Variants in FXR1 observed in about 807,000 individuals in gnomAD.
The protein encoded by FXR1 is RNA-binding protein FXR1.
FXR1 carries 15 observed loss-of-function variants against 84.0 expected under a neutral mutation model. That is an observed-to-expected ratio of 0.18 (90% confidence interval 0.12 to 0.27). The LOEUF is 0.27. Among genes scored for constraint, FXR1 ranks in the 10% least tolerant of loss-of-function variants. The pLI, the probability that FXR1 is intolerant of heterozygous loss-of-function variation, is 1.00. For missense variants in FXR1, 480 were observed against 774.4 expected, an observed-to-expected ratio of 0.62 and a Z score of 4.51; for synonymous variants, 245 against 250.7, an observed-to-expected ratio of 0.98 and a Z score of 0.21.
In FXR1 at chr3:180,912,700, G is replaced by T. The variant is rs1006917963; in HGVS notation, c.15G>T (p.Thr5=). ...GCGGTTCCAACATGGCGGAGCTGAC[G>T]GTGGAGGTTCGCGGCTCTAACGGGG... MAEL[T]VEVRGSNGAF... is the part of the protein sequence containing the mutation. The change falls in exon 1 of 17, where the codon ACG becomes ACT. Residue 5 remains threonine, a synonymous_variant. Coordinates refer to ENST00000357559, the MANE Select transcript of FXR1 (RefSeq NM_005087.4). 7 of 1,613,816 alleles carry T rather than the reference G, an allele frequency of 4.3e-6. No individual in the cohort carries two copies. The highest frequency in any genetic ancestry group is 4.2e-6 in the Non-Finnish European group (5 of 1,179,948).
intron 3 of FXR1, among the ~76,000 whole-genome samples, chr3:180,945,704 C>G (rs879262440): frequency 1.3e-5 from 2 of 152,242 alleles, no homozygotes; most frequent in African/African-American, 2.4e-5. Flanking sequence ...GCCACCGTGC[C>G]TGACCACAAA....
chr3:180,948,397 C>A lies in FXR1; in HGVS notation c.321C>A (p.Val107=), dbSNP rs1440526858. ...GTGACGCTACTTACAATGAAATAGT[C>A]ACATTTGAACGACTTCGGCCTGTCA... is the stretch of plus-strand genomic sequence containing the variant. ...AACDATYNEI[V]TFERLRPVNQ... is the part of the protein sequence containing the mutation. Residue 107 remains valine, a synonymous_variant, in exon 5 of 17, where the codon GTC becomes GTA. Coordinates refer to ENST00000357559, the MANE Select transcript of FXR1 (RefSeq NM_005087.4). The A allele has an allele frequency of 6.2e-7, 1 of 1,605,690 alleles. No individual in the cohort carries two copies. Among genetic ancestry groups the A allele is most frequent in the African/African-American group, 1.3e-5 (1 of 74,734 alleles).
chr3:180,943,792 G>T lies in FXR1; in HGVS notation c.199-4073G>T, dbSNP rs188918456. Reference sequence around the variant, plus strand: ...GCTTTGGTGAAAATAGAATAAGGGGGTTAGGTAGTTTTAAGACATAACATT... The same window carrying T: ...GCTTTGGTGAAAATAGAATAAGGGGTTTAGGTAGTTTTAAGACATAACATT... On this transcript the variant is annotated intron_variant, in intron 3 of 16. Transcript: ENST00000357559. 1.9e-4 allele frequency among the ~76,000 whole-genome samples: 29 copies of T among 152,250 alleles called. No individual in the cohort carries two copies. The East Asian group carries it at 4.1e-3, about 21-fold the overall frequency.
intron 1 of FXR1, among the ~76,000 whole-genome samples, chr3:180,924,202 G>A (rs993961503): frequency 1.2e-4 from 18 of 152,000 alleles, no homozygotes; most frequent in African/African-American, 4.1e-4. Context: ...TGCCTGCCTC[G>A]ACCTCCCAAA....
chr3:180,947,088 A>G (rs895162711), intron 3 of FXR1, among the ~76,000 whole-genome samples: 4 of 152,034 alleles, frequency 2.6e-5, no homozygotes, highest in Non-Finnish European at 2.9e-5. Context: ...GTTTTGCTCT[A>G]GGTGCCTAGG....
chr3:180,948,242 T>C (rs1721890406), intron 4 of FXR1, 105 bp from the exon 5 acceptor site: 2 of 758,552 alleles, frequency 2.6e-6, no homozygotes, highest in African/African-American at 1.8e-5. Flanking sequence ...TTATGCCACA[T>C]GGGGGAGGGT....
rs566984631 is a variant in FXR1, at chr3:180,912,877, C to T, written c.51+141C>T. ...CGAGGCCGCTGGATTCCTTGCTTCTCCCCCCTCCACCCGCGGTTTAACGGT... is the reference window on the plus strand; with the variant it reads ...CGAGGCCGCTGGATTCCTTGCTTCTTCCCCCTCCACCCGCGGTTTAACGGT... On this transcript the variant is annotated intron_variant, in intron 1 of 16. Transcript: ENST00000357559. The T allele has an allele frequency of 1.3e-5, 18 of 1,437,904 alleles. No individual in the cohort carries two copies. The East Asian group carries it at 2.8e-4, about 23-fold the overall frequency. The allele number at this position is 1,437,904 out of a possible 1,614,324, so 89.1% of individuals were successfully genotyped here. A position where few individuals can be genotyped will look rare whatever the true frequency, so the allele number is the denominator to read the frequency against.
At chr3:180,937,353 G>C (rs1720638795) in intron 3 of FXR1, among the ~76,000 whole-genome samples, 1 of 152,204 alleles carries the variant, frequency 6.6e-6, no homozygotes, top group African/African-American at 2.4e-5. Context: ...TACTCTTGGT[G>C]GGGTGGTGAG....
intron 1 of FXR1, among the ~76,000 whole-genome samples, chr3:180,921,740 A>G (rs553957205): frequency 9.9e-5 from 15 of 152,216 alleles, no homozygotes; most frequent in Non-Finnish European, 1.9e-4. Context: ...ACAATAAGAT[A>G]TATTCTAATT....
intron 3 of FXR1, among the ~76,000 whole-genome samples, chr3:180,940,835 C>T (rs535241422): frequency 6.6e-6 from 1 of 152,318 alleles, no homozygotes; most frequent in Admixed American, 6.5e-5. Flanking sequence ...CTCGGCCTCC[C>T]AAAGTGCCAG....
chr3:180,921,707 C>T (rs1387542812), intron 1 of FXR1, among the ~76,000 whole-genome samples: 1 of 151,418 alleles, frequency 6.6e-6, no homozygotes. Flanking sequence ...CACATACGTG[C>T]TGTATGGAAA....
chr3:180,943,591 G>A (rs1351924887), intron 3 of FXR1, among the ~76,000 whole-genome samples: 2 of 152,100 alleles, frequency 1.3e-5, no homozygotes, highest in Non-Finnish European at 2.9e-5. Flanking sequence ...TTCAGGCTTA[G>A]GAATTTAGGT....
At chr3:180,914,625 G>T (rs1039355814) in intron 1 of FXR1, 6 of 256,240 alleles carry the variant, frequency 2.3e-5, no homozygotes, top group East Asian at 1.8e-4. Flanking sequence ...TCTTACTTTG[G>T]TTTCTCACGG....
At chr3:180,917,326 A>G (rs981546717) in intron 1 of FXR1, among the ~76,000 whole-genome samples, 4 of 152,248 alleles carry the variant, frequency 2.6e-5, no homozygotes, top group African/African-American at 9.6e-5. Context: ...AGTTGCGTTC[A>G]GAGGGTATGC....
At chr3:180,970,465 T>C in intron 15 of FXR1, 107 bp downstream of exon 15, 1 of 233,556 alleles carries the variant, frequency 4.3e-6, no homozygotes, top group Non-Finnish European at 7.8e-6. Flanking sequence ...TTCAAAGAAA[T>C]ATGCAATTCA....
intron 13 of FXR1, among the ~76,000 whole-genome samples, chr3:180,964,766 T>A (rs1712603926): frequency 6.6e-6 from 1 of 150,616 alleles, no homozygotes; most frequent in African/African-American, 2.4e-5. Flanking sequence ...ATAACATCTC[T>A]GAAGTTGGTA....
intron 14 of FXR1, among the ~76,000 whole-genome samples, chr3:180,969,810 T>A (rs13076861): frequency 0.17 from 25,978 of 152,126 alleles, 2,438 homozygotes; most frequent in South Asian, 0.25. Flanking sequence ...TCATTTTTGT[T>A]TTTCTAGTCT....
chr3:180,963,154 C>A, intron 13 of FXR1, 64 bp downstream of exon 13: 1 of 686,892 alleles, frequency 1.5e-6, no homozygotes. Context: ...AGTTTAGGTG[C>A]TCTAACACAT....
intron 1 of FXR1, among the ~76,000 whole-genome samples, chr3:180,913,842 C>T (rs1315406569): frequency 6.6e-6 from 1 of 152,208 alleles, no homozygotes; most frequent in African/African-American, 2.4e-5. Context: ...GGGCCTTCTT[C>T]TAATACATGA....
Sources: gnomAD v4.1 joint callset for allele counts (sites outside exome capture counted in the v4.1 genomes callset) on GRCh38, gnomAD v4.1.1 for gene constraint, MANE v1.5 for transcripts, NCBI Gene and HGNC (gene_info 2026-07-23, HGNC 2026-07-21) for gene names.